The following FAM20A variants were observed in gnomAD, a reference collection of about 807,000 sequenced individuals.
FAM20A encodes the protein pseudokinase FAM20A.
FAM20A carries 42 observed loss-of-function variants against 52.0 expected under a neutral mutation model. That is an observed-to-expected ratio of 0.81 (90% CI 0.63 to 1.04). The LOEUF (loss-of-function observed/expected upper bound fraction) is 1.04, where lower values mean the gene tolerates loss of function less well. Among genes scored for constraint, FAM20A ranks in the 50% least tolerant of loss-of-function variants. The pLI, the probability that FAM20A is intolerant of heterozygous loss-of-function variation, is 0.00. For missense variants in FAM20A, 742 were observed against 712.7 expected, an observed-to-expected ratio of 1.04 and a Z score of -0.47; for synonymous variants, 304 against 298.9, an observed-to-expected ratio of 1.02 and a Z score of -0.18.
intron 4 of FAM20A, 55 bp downstream of exon 4, chr17:68,551,818 A>T (rs971165796): frequency 4.4e-5 from 60 of 1,367,218 alleles, no homozygotes; most frequent in African/African-American, 1.6e-4. Context: ...TTTTGGTCCA[A>T]ATCTTCCCAG....
At chr17:68,567,379 A>G (rs867501392) in intron 1 of FAM20A, among the ~76,000 whole-genome samples, 3 of 151,920 alleles carry the variant, frequency 2.0e-5, no homozygotes, top group Admixed American at 2.0e-4. Flanking sequence ...AAAAACATCT[A>G]CATTCAACAT....
At chr17:68,571,540 G>C (rs1346849630) in intron 1 of FAM20A, among the ~76,000 whole-genome samples, 1 of 152,190 alleles carries the variant, frequency 6.6e-6, no homozygotes, top group African/African-American at 2.4e-5. Flanking sequence ...CTGTCACACA[G>C]ACAATTAGAA....
chr17:68,577,891 C>T (rs965953236), intron 1 of FAM20A, among the ~76,000 whole-genome samples: 1 of 152,170 alleles, frequency 6.6e-6, no homozygotes, highest in Non-Finnish European at 1.5e-5. Context: ...AAAACACTAA[C>T]ACACGTGTTA....
At chr17:68,599,380 T>G (rs974097675) in intron 1 of FAM20A, among the ~76,000 whole-genome samples, 3 of 152,252 alleles carry the variant, frequency 2.0e-5, no homozygotes, top group Admixed American at 2.0e-4. Flanking sequence ...TTCCTGCCAC[T>G]AGCAAGGGAT....
At chr17:68,579,671 G>A (rs756579547) in intron 1 of FAM20A, among the ~76,000 whole-genome samples, 5 of 152,096 alleles carry the variant, frequency 3.3e-5, no homozygotes, top group Non-Finnish European at 7.4e-5. Flanking sequence ...TACTTGTCTC[G>A]TGAAGGTCAG....
intron 4 of FAM20A, among the ~76,000 whole-genome samples, chr17:68,548,464 A>AGGTT (rs1429529892): frequency 6.6e-6 from 1 of 151,996 alleles, no homozygotes; most frequent in Non-Finnish European, 1.5e-5. Flanking sequence ...CAGGAGGCAG[A>AGGTT]GGTTGCAGCG....
intron 1 of FAM20A, among the ~76,000 whole-genome samples, chr17:68,568,048 C>T (rs970826223): frequency 1.3e-5 from 2 of 151,946 alleles, no homozygotes; most frequent in African/African-American, 4.9e-5. Flanking sequence ...TGTGCAAAAA[C>T]GGACTAATAC....
chr17:68,569,465 C>CAGA (rs2143789139), intron 1 of FAM20A, among the ~76,000 whole-genome samples: 1 of 152,350 alleles, frequency 6.6e-6, no homozygotes, highest in East Asian at 1.9e-4. Flanking sequence ...GCTTCCTGCT[C>CAGA]AGAAGCACTC....
intron 1 of FAM20A, among the ~76,000 whole-genome samples, chr17:68,581,043 A>G (rs1331734227): frequency 6.6e-6 from 1 of 152,200 alleles, no homozygotes; most frequent in African/African-American, 2.4e-5. Flanking sequence ...TAAAAATAAA[A>G]AACTATGGTG....
chr17:68,567,369 A>T (rs911779075), intron 1 of FAM20A, among the ~76,000 whole-genome samples: 1 of 151,908 alleles, frequency 6.6e-6, no homozygotes, highest in African/African-American at 2.4e-5. Flanking sequence ...CCCCTGCCTT[A>T]AAAACATCTA....
Position 68,537,001 on chromosome 17 carries a change from C to G in FAM20A, c.*476G>C, listed in dbSNP as rs2086114702. The G allele has an allele frequency of 2.2e-6, 1 of 454,748 alleles. No individual in the cohort carries two copies. Among genetic ancestry groups the G allele is most frequent in the African/African-American group, 2.0e-5 (1 of 50,042 alleles). 28.2% of individuals were successfully genotyped at this position (454,748 alleles called of 1,614,324 possible). A position where few individuals can be genotyped will look rare whatever the true frequency, so the allele number is the denominator to read the frequency against. On this transcript the variant is annotated 3_prime_UTR_variant, in exon 11 of 11. Transcript: ENST00000592554. This position sits in a 1 kb window ranked among gnomAD's most constrained non-coding sequence, Gnocchi z 4.2. The stretch of plus-strand genomic sequence containing the variant: ...GTCTAATTTGAACCTGTCAGAGTTA[C>G]TGTTGCCTGCGCTGGCCCAAAGTGC...
Position 68,600,876 on chromosome 17 carries a change from G to T in FAM20A, c.-210C>A. 5.8e-6 allele frequency: 3 copies of T among 521,406 alleles called. No homozygotes were observed. Among genetic ancestry groups the T allele is most frequent in the Non-Finnish European group, 9.9e-6 (3 of 303,226 alleles). 32.3% of individuals were successfully genotyped at this position (521,406 alleles called of 1,614,324 possible). ...AGGTGCACGGAGCACCGGGGCTCTC[G>T]GAGTCAGCGGGCGTCGCTTCTCCGC... On this transcript the variant is annotated 5_prime_UTR_variant, in exon 1 of 11. Transcript: ENST00000592554. This position sits in a 1 kb window ranked among gnomAD's most constrained non-coding sequence, Gnocchi z 6.2.
chr17:68,596,739 T>G (rs2088463771), intron 1 of FAM20A, among the ~76,000 whole-genome samples: 1 of 152,232 alleles, frequency 6.6e-6, no homozygotes, highest in African/African-American at 2.4e-5. Flanking sequence ...AGGTGCCAAA[T>G]GTGTCATCAT....
At chr17:68,585,941 A>G (rs1459742451) in intron 1 of FAM20A, among the ~76,000 whole-genome samples, 1 of 152,200 alleles carries the variant, frequency 6.6e-6, no homozygotes, top group African/African-American at 2.4e-5. Context: ...CAAGGAAGGT[A>G]TTCATCTGCC....
chr17:68,589,807 A>G (rs144403599), intron 1 of FAM20A, among the ~76,000 whole-genome samples: 347 of 152,374 alleles, frequency 2.3e-3, no homozygotes, highest in African/African-American at 7.3e-3. Context: ...TTAATCAATG[A>G]AAACAAGAAG....
chr17:68,550,600 C>G (rs755876453), intron 4 of FAM20A, among the ~76,000 whole-genome samples: 1 of 151,944 alleles, frequency 6.6e-6, no homozygotes. Context: ...AGGCTGGTCT[C>G]GAACTCCTGA....
chr17:68,592,930 C>G (rs1485967263), intron 1 of FAM20A, among the ~76,000 whole-genome samples: 2 of 152,212 alleles, frequency 1.3e-5, no homozygotes, highest in Non-Finnish European at 2.9e-5. Context: ...TGGCTGCCCC[C>G]AGTGCTTGGT....
In FAM20A at chr17:68,537,122, A is replaced by G. The variant is rs188485434; in HGVS notation, c.*355T>C. 6.3e-6 allele frequency: 3 copies of G among 479,734 alleles called. No individual in the cohort carries two copies. The highest frequency in any genetic ancestry group is 2.0e-5 in the African/African-American group (1 of 51,228). The allele number at this position is 479,734 out of a possible 1,614,324, so 29.7% of individuals were successfully genotyped here. A position where few individuals can be genotyped will look rare whatever the true frequency, so the allele number is the denominator to read the frequency against. On this transcript the variant is annotated 3_prime_UTR_variant, in exon 11 of 11. Coordinates refer to ENST00000592554, the MANE Select transcript of FAM20A (RefSeq NM_017565.4). This position sits in a 1 kb window ranked among gnomAD's most constrained non-coding sequence, Gnocchi z 4.2. ...GAATAAGGATCCTGAGAAGTCAGGT[A>G]TCCACTTGATGTCCTTTTATTTGAC...
rs1365995932 is a variant in FAM20A at position 68,535,125 on chromosome 17, A to G, written c.*2352T>C. On this transcript the variant is annotated 3_prime_UTR_variant, in exon 11 of 11. Coordinates refer to ENST00000592554, the MANE Select transcript of FAM20A (RefSeq NM_017565.4). ...GTAACTTGAAAAGTTCTCAGAGTCA[A>G]GAGACTTTTTATTTCATGGGAGGTA... 2.7e-5 allele frequency: 10 copies of G among 369,388 alleles called. No individual in the cohort carries two copies. In the East Asian group the frequency reaches 5.1e-4, roughly 19 times the overall value. The allele number at this position is 369,388 out of a possible 1,614,324, so 22.9% of individuals were successfully genotyped here. A position where few individuals can be genotyped will look rare whatever the true frequency, so the allele number is the denominator to read the frequency against.
Sources: gnomAD v4.1 joint callset for allele counts (sites outside exome capture counted in the v4.1 genomes callset) on GRCh38, gnomAD v4.1.1 for gene constraint, Gnocchi (gnomAD v3.1) non-coding constraint, MANE v1.5 for transcripts, NCBI Gene and HGNC (gene_info 2026-07-23, HGNC 2026-07-21) for gene names.